ITGBL1: variants seen among roughly 807,000 people sequenced by gnomAD.
The protein encoded by ITGBL1 is integrin subunit beta like 1, also known as integrin beta-like protein 1.
In ITGBL1, 51 loss-of-function variants were observed where a neutral mutation model predicts 68.5. That is an observed-to-expected ratio of 0.74 (90% CI 0.59 to 0.94). ITGBL1 has a LOEUF of 0.94. Ranked by LOEUF, ITGBL1 falls within the 40% of genes least tolerant of loss-of-function variation. The pLI, the probability that ITGBL1 is intolerant of heterozygous loss-of-function variation, is 0.00. For missense variants in ITGBL1, 649 were observed against 647.4 expected (o/e 1.00, Z -0.03); for synonymous variants, 209 against 227.3 (o/e 0.92, Z 0.72).
intron 7 of ITGBL1, among the ~76,000 whole-genome samples, chr13:101,647,263 TAATAGA>T (rs1198437944): frequency 6.6e-6 from 1 of 152,210 alleles, no homozygotes; most frequent in Non-Finnish European, 1.5e-5. Flanking sequence ...AATTCAGTAG[TAATAGA>T]AATAGTTATC....
At chr13:101,522,250 T>A (rs1266131309) in intron 2 of ITGBL1, among the ~76,000 whole-genome samples, 1 of 152,138 alleles carries the variant, frequency 6.6e-6, no homozygotes. Flanking sequence ...TGGCTCATAA[T>A]AGTATATGAA....
At chr13:101,611,826 T>G (rs1439755321) in intron 7 of ITGBL1, among the ~76,000 whole-genome samples, 1 of 152,172 alleles carries the variant, frequency 6.6e-6, no homozygotes, top group African/African-American at 2.4e-5. Context: ...TCTACTCAAA[T>G]GGACACCATG....
At chr13:101,708,689 A>G (rs1262855184) in intron 9 of ITGBL1, among the ~76,000 whole-genome samples, 1 of 152,204 alleles carries the variant, frequency 6.6e-6, no homozygotes, top group East Asian at 1.9e-4. Flanking sequence ...TGCTGTGACT[A>G]TCTGTGGTGC....
intron 7 of ITGBL1, among the ~76,000 whole-genome samples, chr13:101,612,869 G>A (rs548021406): frequency 2.0e-5 from 3 of 152,002 alleles, no homozygotes; most frequent in South Asian, 4.2e-4. Flanking sequence ...TTTCTTGTTC[G>A]GGTAGAAAGA....
chr13:101,533,549 C>T (rs1451565323), intron 2 of ITGBL1, among the ~76,000 whole-genome samples: 1 of 152,178 alleles, frequency 6.6e-6, no homozygotes, highest in Non-Finnish European at 1.5e-5. Context: ...AGTCTGGATC[C>T]TTCCCTATAT....
In ITGBL1 at chr13:101,562,818, T is replaced by C. The variant is rs114129115; in HGVS notation, c.317-4881T>C. On this transcript the variant is annotated intron_variant, in intron 2 of 10. Coordinates refer to ENST00000376180, the MANE Select transcript of ITGBL1 (RefSeq NM_004791.3). The stretch of plus-strand genomic sequence containing the variant: ...AAACTATATTACCAGCTTGACCAAA[T>C]TGACATTTATAGAACAGCAGAAGAT... Among the ~76,000 whole-genome samples the C allele has an allele frequency of 3.9e-3, 596 of 151,874 alleles. 7 individuals are homozygous for C. Among genetic ancestry groups the C allele is most frequent in the Middle Eastern group, 0.014 (4 of 294 alleles).
chr13:101,704,011 C>A (rs1008512090), intron 8 of ITGBL1, among the ~76,000 whole-genome samples: 1 of 152,028 alleles, frequency 6.6e-6, no homozygotes, highest in African/African-American at 2.4e-5. Flanking sequence ...GGGGAGGGGA[C>A]GGGAGAGACC....
At chr13:101,695,466 G>A (rs1487930555) in intron 8 of ITGBL1, among the ~76,000 whole-genome samples, 1 of 152,200 alleles carries the variant, frequency 6.6e-6, no homozygotes, top group East Asian at 1.9e-4. Context: ...AAAGGTGACA[G>A]GAAACCAAAG....
chr13:101,578,848 G>C (rs535074934), intron 4 of ITGBL1, among the ~76,000 whole-genome samples: 10 of 152,236 alleles, frequency 6.6e-5, no homozygotes, highest in African/African-American at 1.9e-4. Flanking sequence ...AGAGTTGTTT[G>C]GTCATTCATA....
intron 7 of ITGBL1, among the ~76,000 whole-genome samples, chr13:101,603,376 T>A (rs551501358): frequency 3.9e-5 from 6 of 151,968 alleles, no homozygotes; most frequent in African/African-American, 1.4e-4. Flanking sequence ...AGTGGAGGAG[T>A]AGGATATGGG....
chr13:101,706,648 T>C (rs1254387627), intron 8 of ITGBL1, 108 bp from the exon 9 acceptor site: 9 of 1,129,958 alleles, frequency 8.0e-6, no homozygotes, highest in South Asian at 1.7e-5. Context: ...GAAGAATGTG[T>C]TGGATGGGAA....
At chr13:101,717,318 C>G (rs1002561079), downstream of ITGBL1, 2 of 152,066 alleles carry the variant, frequency 1.3e-5, no homozygotes, top group Non-Finnish European at 2.9e-5. Context: ...ATTGTTATCT[C>G]TATCCTGAGA....
chr13:101,679,435 A>G (rs886433292), intron 7 of ITGBL1, among the ~76,000 whole-genome samples: 1 of 152,206 alleles, frequency 6.6e-6, no homozygotes, highest in African/African-American at 2.4e-5. Flanking sequence ...AGAAATCCAT[A>G]ACTGTGTTTC....
intron 7 of ITGBL1, among the ~76,000 whole-genome samples, chr13:101,632,276 G>T (rs2032010180): frequency 6.6e-6 from 1 of 152,030 alleles, no homozygotes; most frequent in Non-Finnish European, 1.5e-5. Context: ...ACAAAAGAAG[G>T]TATATGCTTG....
downstream of ITGBL1, chr13:101,719,123 A>G (rs563712944): frequency 5.3e-5 from 8 of 152,288 alleles, no homozygotes; most frequent in Non-Finnish European, 1.2e-4. Context: ...TGTATCAAAT[A>G]TTAATGATCC....
intron 8 of ITGBL1, among the ~76,000 whole-genome samples, chr13:101,695,617 G>T (rs1178130097): frequency 6.6e-6 from 1 of 152,128 alleles, no homozygotes; most frequent in Non-Finnish European, 1.5e-5. Context: ...ATGAGCCCTG[G>T]TGAGAGATGA....
chr13:101,506,301 A>G (rs1355186634), intron 2 of ITGBL1, among the ~76,000 whole-genome samples: 1 of 151,938 alleles, frequency 6.6e-6, no homozygotes, highest in Non-Finnish European at 1.5e-5. Flanking sequence ...GACAGAAGAA[A>G]TGTTAAATTT....
intron 2 of ITGBL1, among the ~76,000 whole-genome samples, chr13:101,497,413 C>T (rs923454270): frequency 3.3e-5 from 5 of 152,088 alleles, no homozygotes; most frequent in African/African-American, 9.7e-5. Flanking sequence ...AGACACAAGG[C>T]GATGACATTT....
chr13:101,620,204 A>G, intron 7 of ITGBL1, among the ~76,000 whole-genome samples: 1 of 152,156 alleles, frequency 6.6e-6, no homozygotes, highest in East Asian at 1.9e-4. Context: ...TCTAACGTAG[A>G]TAAGTAGATT....
Sources: allele counts gnomAD v4.1 joint callset (sites outside exome capture counted in the v4.1 genomes callset), GRCh38; gene constraint gnomAD v4.1.1; transcripts MANE v1.5; gene names NCBI Gene and HGNC (gene_info 2026-07-23, HGNC 2026-07-21).